TLE4: variants seen among roughly 807,000 people sequenced by gnomAD.
The protein encoded by TLE4 is TLE family member 4, transcriptional corepressor.
TLE4 carries 8 observed loss-of-function variants against 92.8 expected under a neutral mutation model. The ratio of observed to expected loss-of-function variants is 0.09; its 90% CI spans 0.05 to 0.16. The LOEUF is 0.16. Among genes scored for constraint, TLE4 ranks in the 10% least tolerant of loss-of-function variants. The pLI, the probability that TLE4 is intolerant of heterozygous loss-of-function variation, is 1.00. For synonymous variants in TLE4, 371 were observed against 374.1 expected, an observed-to-expected ratio of 0.99 and a Z score of 0.10; for missense variants, 675 against 997.6, an observed-to-expected ratio of 0.68 and a Z score of 4.36.
chr9:79,635,774 C>T (rs1369773352), intron 6 of TLE4, among the ~76,000 whole-genome samples: 3 of 152,084 alleles, frequency 2.0e-5, no homozygotes, highest in African/African-American at 7.2e-5. Flanking sequence ...ATGACTATAG[C>T]TTTCATTATT....
At chr9:79,673,620 G>A (rs1184184541) in intron 8 of TLE4, among the ~76,000 whole-genome samples, 1 of 152,076 alleles carries the variant, frequency 6.6e-6, no homozygotes. Context: ...TGAAATTCTG[G>A]TTTCTGATTG....
chr9:79,598,093 A>AAAC (rs2044525894), intron 4 of TLE4, among the ~76,000 whole-genome samples: 1 of 150,054 alleles, frequency 6.7e-6, no homozygotes, highest in African/African-American at 2.5e-5. Flanking sequence ...AAAAAAAAAA[A>AAAC]AAAAACTTAC....
At chr9:79,676,245 A>C (rs2063237805) in intron 8 of TLE4, among the ~76,000 whole-genome samples, 1 of 152,146 alleles carries the variant, frequency 6.6e-6, no homozygotes, top group African/African-American at 2.4e-5. Context: ...AGAGTAAATA[A>C]ATTATTGCTT....
intron 5 of TLE4, among the ~76,000 whole-genome samples, chr9:79,618,187 TGC>T (rs1395368081): frequency 1.3e-5 from 2 of 152,250 alleles, no homozygotes; most frequent in Non-Finnish European, 1.5e-5. Context: ...AACTGCCACT[TGC>T]TTCCAGACAT....
chr9:79,655,068 G>A (rs2059584578), intron 8 of TLE4, among the ~76,000 whole-genome samples: 1 of 152,120 alleles, frequency 6.6e-6, no homozygotes. Context: ...CTTGAATCTG[G>A]GAGGCAGAGG....
intron 1 of TLE4, 43 bp downstream of exon 1, chr9:79,572,878 G>T: frequency 7.6e-6 from 12 of 1,571,812 alleles, no homozygotes; most frequent in Non-Finnish European, 1.0e-5. Flanking sequence ...GGTGCTGGGG[G>T]ATTCCCCGCG....
intron 8 of TLE4, among the ~76,000 whole-genome samples, chr9:79,665,432 A>G (rs1464533549): frequency 6.6e-6 from 1 of 152,214 alleles, no homozygotes; most frequent in Non-Finnish European, 1.5e-5. Flanking sequence ...AATAAAATAT[A>G]TTAATGGATC....
chr9:79,591,673 G>T (rs780453907), intron 4 of TLE4, among the ~76,000 whole-genome samples: 13 of 152,166 alleles, frequency 8.5e-5, no homozygotes, highest in Admixed American at 4.6e-4. Context: ...TAGGGAAGTA[G>T]AACTGGAAAG....
chr9:79,599,785 T>A (rs952955173), intron 4 of TLE4, among the ~76,000 whole-genome samples: 4 of 152,252 alleles, frequency 2.6e-5, no homozygotes, highest in African/African-American at 9.6e-5. Context: ...TTCTCAACTT[T>A]TGAGTCACTT....
At chr9:79,606,560 T>C (rs1005777446) in intron 4 of TLE4, among the ~76,000 whole-genome samples, 2 of 151,928 alleles carry the variant, frequency 1.3e-5, no homozygotes, top group Admixed American at 6.6e-5. Flanking sequence ...TGATGTGTAA[T>C]GTTCCCTGCC....
At chr9:79,594,252 A>G (rs1036055114) in intron 4 of TLE4, among the ~76,000 whole-genome samples, 16 of 152,244 alleles carry the variant, frequency 1.1e-4, no homozygotes, top group African/African-American at 3.9e-4. Flanking sequence ...TCTAACAAAA[A>G]GATCAGGTGA....
chr9:79,627,526 C>A, intron 6 of TLE4, 78 bp downstream of exon 6: 1 of 1,454,882 alleles, frequency 6.9e-7, no homozygotes, highest in South Asian at 1.2e-5. Flanking sequence ...ACATTTTGTT[C>A]CGCCAAAGGG....
At chr9:79,609,918 A>G (rs2047984715) in intron 4 of TLE4, among the ~76,000 whole-genome samples, 2 of 152,212 alleles carry the variant, frequency 1.3e-5, no homozygotes, top group African/African-American at 4.8e-5. Context: ...ATGTGATTCA[A>G]AGACTGGGAA....
At chr9:79,598,093 A>AAAAAAAC (rs1564261702) in intron 4 of TLE4, among the ~76,000 whole-genome samples, 2 of 150,054 alleles carry the variant, frequency 1.3e-5, no homozygotes, top group African/African-American at 4.9e-5. Flanking sequence ...AAAAAAAAAA[A>AAAAAAAC]AAAAACTTAC....
chr9:79,677,679 T>C (rs12237623), intron 8 of TLE4, among the ~76,000 whole-genome samples: 1 of 152,180 alleles, frequency 6.6e-6, no homozygotes, highest in East Asian at 1.9e-4. Context: ...TTCAATTTTT[T>C]TTCTTTTGTG....
chr9:79,719,035 G>A, intron 15 of TLE4, 64 bp downstream of exon 15: 1 of 1,556,412 alleles, frequency 6.4e-7, no homozygotes, highest in Non-Finnish European at 8.7e-7. Context: ...GCTGATGAGA[G>A]AACTGTATGT....
At chr9:79,589,362 G>A (rs1364649259) in intron 4 of TLE4, among the ~76,000 whole-genome samples, 2 of 151,638 alleles carry the variant, frequency 1.3e-5, no homozygotes, top group Admixed American at 6.6e-5. Context: ...TGGGGTTGGT[G>A]GTAGTTAAGT....
intron 4 of TLE4, among the ~76,000 whole-genome samples, chr9:79,611,434 T>C (rs2048344082): frequency 6.6e-6 from 1 of 152,028 alleles, no homozygotes; most frequent in South Asian, 2.1e-4. Flanking sequence ...GGTGCTGGCA[T>C]TTAAAAGATT....
At chr9:79,600,805 A>G (rs1402959904) in intron 4 of TLE4, among the ~76,000 whole-genome samples, 1 of 152,160 alleles carries the variant, frequency 6.6e-6, no homozygotes, top group Non-Finnish European at 1.5e-5. Context: ...ACTCGTCTAC[A>G]CATTGTAGTG....
Sources: allele counts gnomAD v4.1 joint callset (sites outside exome capture counted in the v4.1 genomes callset), GRCh38; gene constraint gnomAD v4.1.1; transcripts MANE v1.5; gene names NCBI Gene and HGNC (gene_info 2026-07-23, HGNC 2026-07-21).